DAPK2: variants seen among roughly 807,000 people sequenced by gnomAD.
DAPK2 encodes the protein death associated protein kinase 2.
A neutral mutation model predicts 44.1 loss-of-function variants in DAPK2; 35 were observed. The observed-to-expected ratio is 0.79, with a 90% confidence interval of 0.61 to 1.05. The LOEUF is 1.05. Ranked by LOEUF, DAPK2 falls within the 50% of genes least tolerant of loss-of-function variation. The pLI is 0.00. For synonymous variants in DAPK2, 174 were observed against 182.6 expected, an observed-to-expected ratio of 0.95 and a Z score of 0.38; for missense variants, 453 against 483.2, an observed-to-expected ratio of 0.94 and a Z score of 0.59.
intron 1 of DAPK2, among the ~76,000 whole-genome samples, chr15:63,993,318 T>A (rs1474297604): frequency 2.6e-5 from 4 of 152,294 alleles, no homozygotes; most frequent in East Asian, 3.9e-4. Flanking sequence ...AGTGGTAAGA[T>A]GACTTGGAGA....
chr15:63,974,352 G>A (rs1432127927), intron 2 of DAPK2, among the ~76,000 whole-genome samples: 2 of 152,186 alleles, frequency 1.3e-5, no homozygotes, highest in African/African-American at 4.8e-5. Context: ...TTGGGTAACA[G>A]CTTGATTTTA....
At chr15:63,927,659 C>G (rs1193051026) in intron 6 of DAPK2, among the ~76,000 whole-genome samples, 1 of 152,152 alleles carries the variant, frequency 6.6e-6, no homozygotes, top group African/African-American at 2.4e-5. Flanking sequence ...TGGTACAGTG[C>G]CTGCCATGGA....
chr15:63,943,321 A>T (rs1390411167), intron 3 of DAPK2, among the ~76,000 whole-genome samples: 1 of 152,112 alleles, frequency 6.6e-6, no homozygotes, highest in Non-Finnish European at 1.5e-5. Flanking sequence ...CCAGCTACTC[A>T]GGAGGCTGAG....
At chr15:63,975,009 T>C (rs1335406046) in intron 2 of DAPK2, among the ~76,000 whole-genome samples, 1 of 152,214 alleles carries the variant, frequency 6.6e-6, no homozygotes, top group Non-Finnish European at 1.5e-5. Flanking sequence ...CTTCCCACCA[T>C]GGCCTGAAAG....
At chr15:63,981,304 C>A (rs2078504893) in intron 2 of DAPK2, among the ~76,000 whole-genome samples, 1 of 152,080 alleles carries the variant, frequency 6.6e-6, no homozygotes, top group Non-Finnish European at 1.5e-5. Flanking sequence ...GCAAGAAGGT[C>A]CTAATCAAAT....
intron 8 of DAPK2, among the ~76,000 whole-genome samples, chr15:63,914,166 C>G (rs1191608919): frequency 6.6e-6 from 1 of 151,914 alleles, no homozygotes; most frequent in Non-Finnish European, 1.5e-5. Flanking sequence ...GAAAGGGTGT[C>G]AGGGCACAAA....
chr15:64,009,138 C>T (rs1379766617), intron 1 of DAPK2, among the ~76,000 whole-genome samples: 1 of 152,228 alleles, frequency 6.6e-6, no homozygotes, highest in East Asian at 1.9e-4. Flanking sequence ...ATTATTCTCC[C>T]TTAGTAGACT....
intron 3 of DAPK2, among the ~76,000 whole-genome samples, chr15:63,970,638 T>C (rs1304934098): frequency 6.6e-6 from 1 of 152,168 alleles, no homozygotes; most frequent in East Asian, 1.9e-4. Flanking sequence ...AGCACCATGC[T>C]TGAAAGACCA....
chr15:64,010,449 C>T (rs1287082080), intron 1 of DAPK2, among the ~76,000 whole-genome samples: 1 of 152,178 alleles, frequency 6.6e-6, no homozygotes, highest in Non-Finnish European at 1.5e-5. Flanking sequence ...TTTTCAGGAG[C>T]AAGAAGTTAT....
At chr15:63,973,193 A>AGTGTG (rs1414712274) in intron 2 of DAPK2, among the ~76,000 whole-genome samples, 1 of 152,178 alleles carries the variant, frequency 6.6e-6, no homozygotes, top group East Asian at 1.9e-4. Flanking sequence ...GGAGGGCAAC[A>AGTGTG]GTGTGGCAAG....
chr15:63,984,171 C>A (rs887343927), intron 1 of DAPK2, among the ~76,000 whole-genome samples: 4 of 152,106 alleles, frequency 2.6e-5, no homozygotes, highest in African/African-American at 7.2e-5. Flanking sequence ...GGCAGCCTAA[C>A]AAGGTTAATC....
At chr15:63,911,631 C>T (rs926231836) in intron 10 of DAPK2, 13 of 481,072 alleles carry the variant, frequency 2.7e-5, no homozygotes, top group African/African-American at 1.5e-4. Flanking sequence ...CCGGCAGCAG[C>T]GGCCCCTCTG....
intron 1 of DAPK2, among the ~76,000 whole-genome samples, chr15:63,997,617 C>T (rs1293248269): frequency 6.6e-6 from 1 of 152,184 alleles, no homozygotes; most frequent in Non-Finnish European, 1.5e-5. Flanking sequence ...AGGTGTGAGC[C>T]ACCATGCCCG....
intron 3 of DAPK2, among the ~76,000 whole-genome samples, chr15:63,942,734 C>A (rs932827910): frequency 6.6e-6 from 1 of 152,098 alleles, no homozygotes; most frequent in African/African-American, 2.4e-5. Context: ...AACCCCAAAC[C>A]TGGCTAGTTC....
rs1201455308 is a variant in DAPK2, at chr15:64,020,210, T to A, written c.92+19960A>T. Among the ~76,000 whole-genome samples, 1 of 152,154 alleles carries A rather than the reference T, an allele frequency of 6.6e-6. No individual in the cohort carries two copies. The highest frequency in any genetic ancestry group is 1.5e-5 in the Non-Finnish European group (1 of 68,026). On this transcript the variant is annotated intron_variant, in intron 1 of 10. Transcript: ENST00000261891. This position sits in a 1 kb window ranked among gnomAD's most constrained non-coding sequence, Gnocchi z 4.5. ...ATGCTAGAGATGGGGGAAAGGAAAC[T>A]GAGGACTTGCCTAAGCACAGGCAGC...
At position 63,939,922 on chromosome 15, in the gene DAPK2, G is replaced by A. The variant is rs371105676; in HGVS notation, c.454-561C>T. ...TTCTCTCTGCGTTTAACTAATTTTG[G>A]TCCTCAGCAGGACACAGGAAAAATG... is the stretch of plus-strand genomic sequence containing the variant. On this transcript the variant is annotated intron_variant, in intron 3 of 10. Coordinates refer to ENST00000261891, the Ensembl canonical transcript of DAPK2. This position sits in a 1 kb window ranked among gnomAD's most constrained non-coding sequence, Gnocchi z 4.3. 6.6e-6 allele frequency among the ~76,000 whole-genome samples: 1 copy of A among 152,098 alleles called. No individual in the cohort carries two copies. Among genetic ancestry groups the A allele is most frequent in the Admixed American group, 6.6e-5 (1 of 15,260 alleles).
In DAPK2 at chr15:63,983,554, T is replaced by TCGGTG; in HGVS notation, c.288_292dup (p.Asp98AlafsTer10). 6.2e-7 allele frequency: 1 copy of TCGGTG among 1,614,110 alleles called. No individual in the cohort carries two copies. Reference sequence around the variant, plus strand: ...TCACAGCTCAAGGATGAGCACCACGTCGGTGCGGTTCTCATAGACGTCGTG... The same window carrying TCGGTG: ...TCACAGCTCAAGGATGAGCACCACGTCGGTGCGGTGCGGTTCTCATAGACGTCGTG... On this transcript the variant is annotated frameshift_variant, in exon 2 of 11. Transcript: ENST00000261891. LOFTEE classifies it high-confidence loss of function.
intron 8 of DAPK2, chr15:63,918,836 C>T (rs2078997654): frequency 6.6e-6 from 1 of 152,400 alleles, no homozygotes; most frequent in South Asian, 2.1e-4. Context: ...CAGAGTGAGA[C>T]TCTGTGCGGC....
At chr15:64,014,488 A>G (rs1182331038) in intron 1 of DAPK2, among the ~76,000 whole-genome samples, 1 of 152,248 alleles carries the variant, frequency 6.6e-6, no homozygotes, top group African/African-American at 2.4e-5. Context: ...GACAAGACCA[A>G]ACACTTTCCT....
Sources: gnomAD v4.1 joint callset for allele counts (sites outside exome capture counted in the v4.1 genomes callset) on GRCh38, gnomAD v4.1.1 for gene constraint, Gnocchi (gnomAD v3.1) non-coding constraint, MANE v1.5 for transcripts, NCBI Gene and HGNC (gene_info 2026-07-23, HGNC 2026-07-21) for gene names.